The following DCT variants were observed in gnomAD, a reference collection of about 807,000 sequenced individuals.
DCT encodes the protein dopachrome tautomerase.
A neutral mutation model predicts 53.0 loss-of-function variants in DCT; 47 were observed. The ratio of observed to expected loss-of-function variants is 0.89; its 90% confidence interval spans 0.70 to 1.13. DCT has a LOEUF of 1.13. Ranked by LOEUF, DCT falls within the 50% of genes most tolerant of loss-of-function variation. The pLI, the probability that DCT is intolerant of heterozygous loss-of-function variation, is 0.00. For missense variants in DCT, 669 were observed against 637.4 expected (o/e 1.05, Z -0.53); for synonymous variants, 244 against 237.0 (o/e 1.03, Z -0.27).
chr13:94,540,895 TC>T, the DCT span, among the ~76,000 whole-genome samples: 1 of 152,158 alleles, frequency 6.6e-6, no homozygotes, highest in African/African-American at 2.4e-5. Context: ...ACAGACTCAA[TC>T]TAAGTGTCCA....
chr13:94,532,082 T>A, the DCT span, among the ~76,000 whole-genome samples: 1 of 152,114 alleles, frequency 6.6e-6, no homozygotes, highest in Non-Finnish European at 1.5e-5. Context: ...AAAACCACAA[T>A]GAGATACCAT....
the DCT span, among the ~76,000 whole-genome samples, chr13:94,499,384 C>G: frequency 6.6e-6 from 1 of 152,056 alleles, no homozygotes. Flanking sequence ...AAATATTTAG[C>G]ATAAAGAAGA....
In DCT at chr13:94,436,918, C is replaced by T. The variant is rs1263236330; in HGVS notation, c.*2980G>A. On this transcript the variant is annotated 3_prime_UTR_variant, in exon 8 of 8. Transcript: ENST00000377028. ...ATAGGAAGAGCTTCAACCTTAGAGT[C>T]TCCAACAAATTGACCCATCTTGAAG... The T allele has an allele frequency of 6.6e-6, 1 of 152,170 alleles. No individual in the cohort carries two copies. The highest frequency in any genetic ancestry group is 1.5e-5 in the Non-Finnish European group (1 of 68,020). 9.4% of individuals were successfully genotyped at this position (152,170 alleles called of 1,614,324 possible).
chr13:94,526,425 TG>T, the DCT span, among the ~76,000 whole-genome samples: 1 of 151,916 alleles, frequency 6.6e-6, no homozygotes, highest in Non-Finnish European at 1.5e-5. Context: ...CGCTTGAGCC[TG>T]GAGTTCAAGA....
chr13:94,500,270 G>C, the DCT span, among the ~76,000 whole-genome samples: 1 of 152,166 alleles, frequency 6.6e-6, no homozygotes, highest in Non-Finnish European at 1.5e-5. Context: ...AGGTTTAATG[G>C]ACTCACAGTT....
intron 7 of DCT, among the ~76,000 whole-genome samples, chr13:94,442,298 T>G (rs1406617581): frequency 6.6e-6 from 1 of 152,152 alleles, no homozygotes. Context: ...TTTAAATTGT[T>G]TTGTTTTTGT....
the DCT span, among the ~76,000 whole-genome samples, chr13:94,526,788 C>T: frequency 6.6e-6 from 1 of 152,142 alleles, no homozygotes; most frequent in Admixed American, 6.5e-5. Context: ...GGTTGCAGCC[C>T]ATGGAGGGGG....
chr13:94,508,841 T>G, the DCT span, among the ~76,000 whole-genome samples: 1 of 152,106 alleles, frequency 6.6e-6, no homozygotes, highest in Non-Finnish European at 1.5e-5. Context: ...GTCCCATGAG[T>G]GCTACAGAGG....
chr13:94,438,697 A>T lies in DCT; in HGVS notation c.*1201T>A. On this transcript the variant is annotated 3_prime_UTR_variant, in exon 8 of 8. Coordinates refer to ENST00000377028, the MANE Select transcript of DCT (RefSeq NM_001922.5). ...AGTGGGGTCCATCATGATAAGTCTG[A>T]ACATCGTAGTAAAGATTGTCTCATT... 2.2e-6 allele frequency: 1 copy of T among 455,306 alleles called. No homozygotes were observed. Among genetic ancestry groups the T allele is most frequent in the Non-Finnish European group, 4.4e-6 (1 of 226,542 alleles). The allele number at this position is 455,306 out of a possible 1,614,324, so 28.2% of individuals were successfully genotyped here. A position where few individuals can be genotyped will look rare whatever the true frequency, so the allele number is the denominator to read the frequency against.
At chr13:94,500,856 C>T in the DCT span, among the ~76,000 whole-genome samples, 1,314 of 152,216 alleles carry the variant, frequency 8.6e-3, 17 homozygotes, top group African/African-American at 0.029. Flanking sequence ...GATAGGCAAA[C>T]GGAACAAAAG....
the DCT span, among the ~76,000 whole-genome samples, chr13:94,527,499 T>C: frequency 6.6e-6 from 1 of 152,326 alleles, no homozygotes; most frequent in Middle Eastern, 3.4e-3. Context: ...AAACAGGGTC[T>C]GGAGTGGACT....
At chr13:94,459,158 C>T (rs1211370447) in intron 6 of DCT, among the ~76,000 whole-genome samples, 1 of 152,162 alleles carries the variant, frequency 6.6e-6, no homozygotes, top group East Asian at 1.9e-4. Flanking sequence ...AGATTACAGT[C>T]ATGAGCCACC....
chr13:94,546,144 A>G, the DCT span, among the ~76,000 whole-genome samples: 2 of 152,126 alleles, frequency 1.3e-5, no homozygotes, highest in African/African-American at 4.8e-5. This position sits in a 1 kb window ranked among gnomAD's most constrained non-coding sequence, Gnocchi z 4.2. Context: ...ATCTCCTACA[A>G]AGGCAATCAA....
intron 6 of DCT, among the ~76,000 whole-genome samples, chr13:94,456,719 C>T (rs1007437515): frequency 2.0e-5 from 3 of 152,190 alleles, no homozygotes; most frequent in Non-Finnish European, 4.4e-5. Flanking sequence ...CCACACTTTG[C>T]AGAGTGGGAA....
At chr13:94,443,379 A>T (rs1439352736) in intron 7 of DCT, 57 bp downstream of exon 7, 8 of 1,353,034 alleles carry the variant, frequency 5.9e-6, no homozygotes, top group Admixed American at 1.7e-5. Flanking sequence ...AGAAAGCAAG[A>T]AAGCTAGCTT....
chr13:94,529,490 T>A, the DCT span, among the ~76,000 whole-genome samples: 11 of 152,122 alleles, frequency 7.2e-5, no homozygotes, highest in African/African-American at 1.7e-4. Context: ...ATAAACTCAC[T>A]CAAAACCACA....
At chr13:94,460,751 T>A (rs1223022496) in intron 5 of DCT, among the ~76,000 whole-genome samples, 1 of 151,868 alleles carries the variant, frequency 6.6e-6, no homozygotes, top group Non-Finnish European at 1.5e-5. Context: ...CACAGTGAGA[T>A]CCTGGCTCTA....
At chr13:94,511,415 A>C in the DCT span, among the ~76,000 whole-genome samples, 1 of 147,948 alleles carries the variant, frequency 6.8e-6, no homozygotes. Flanking sequence ...GCTGCAGTGC[A>C]GTGGCATGAT....
chr13:94,479,909 C>T (rs1354943911), upstream of DCT, among the ~76,000 whole-genome samples: 4 of 152,198 alleles, frequency 2.6e-5, no homozygotes, highest in African/African-American at 9.6e-5. Flanking sequence ...TCCAGCCAAA[C>T]TTGTGACCTC....
Sources: gnomAD v4.1 joint callset for allele counts (sites outside exome capture counted in the v4.1 genomes callset) on GRCh38, gnomAD v4.1.1 for gene constraint, Gnocchi (gnomAD v3.1) non-coding constraint, MANE v1.5 for transcripts, NCBI Gene and HGNC (gene_info 2026-07-23, HGNC 2026-07-21) for gene names.